DIXDC1: variants seen among roughly 807,000 people sequenced by gnomAD.
The protein encoded by DIXDC1 is dixin.
In DIXDC1, 64 loss-of-function variants were observed where a neutral mutation model predicts 103.1. The ratio of observed to expected loss-of-function variants is 0.62; its 90% confidence interval spans 0.51 to 0.76. The LOEUF is 0.76. Among genes scored for constraint, DIXDC1 ranks in the 30% least tolerant of loss-of-function variants. The pLI is 0.00. For missense variants in DIXDC1, 759 were observed against 834.2 expected (o/e 0.91, Z 1.11); for synonymous variants, 266 against 298.5 (o/e 0.89, Z 1.12).
chr11:111,968,583 A>G lies in DIXDC1; in HGVS notation c.261A>G (p.Lys87=). ...AGGAGATGAAGAATAATGTGGAGAAAGTGCTACAGTTTGTGGCCTCTAAAA... is the reference window on the plus strand; with the variant it reads ...AGGAGATGAAGAATAATGTGGAGAAGGTGCTACAGTTTGTGGCCTCTAAAA... The part of the protein sequence containing the change: ...NQQEMKNNVE[K]VLQFVASKKI... Residue 87 remains lysine (K), a synonymous_variant, in exon 3 of 20, where the codon AAA becomes AAG. Transcript: ENST00000440460. The G allele has an allele frequency of 6.2e-7, 1 of 1,612,508 alleles. No individual in the cohort carries two copies. Among genetic ancestry groups the G allele is most frequent in the Non-Finnish European group, 8.5e-7 (1 of 1,179,296 alleles).
chr11:111,936,845 A>AGTGTGTGTGTGTGT (rs57332873), upstream of DIXDC1, among the ~76,000 whole-genome samples: 1 of 140,758 alleles, frequency 7.1e-6, no homozygotes, highest in East Asian at 2.2e-4. Flanking sequence ...TTAAGTTAGC[A>AGTGTGTGTGTGTGT]GTGTGTGTGT....
chr11:111,961,287 T>C (rs782259148), intron 1 of DIXDC1, among the ~76,000 whole-genome samples: 18 of 152,314 alleles, frequency 1.2e-4, no homozygotes, highest in Middle Eastern at 3.4e-3. Context: ...AGGGAAGTCA[T>C]TTAAGCCTCA....
chr11:111,950,518 T>C (rs199614013), intron 1 of DIXDC1, among the ~76,000 whole-genome samples: 1 of 139,098 alleles, frequency 7.2e-6, no homozygotes, highest in East Asian at 2.4e-4. Context: ...TGCAATGGCA[T>C]GATCTTGGCT....
chr11:111,928,897 A>T (rs1246265300), intron 1 of DIXDC1, among the ~76,000 whole-genome samples: 1 of 151,960 alleles, frequency 6.6e-6, no homozygotes, highest in Non-Finnish European at 1.5e-5. Flanking sequence ...CTGTCTTTGG[A>T]TTATACATGC....
chr11:111,940,421 A>G (rs1966380193), intron 1 of DIXDC1, among the ~76,000 whole-genome samples: 2 of 152,054 alleles, frequency 1.3e-5, no homozygotes, highest in Non-Finnish European at 2.9e-5. Flanking sequence ...TATAGATCAC[A>G]ATCTCCCCAA....
intron 2 of DIXDC1, among the ~76,000 whole-genome samples, 196 bp from the exon 3 acceptor site, chr11:111,968,316 TA>T (rs1859803951): frequency 6.6e-6 from 1 of 152,226 alleles, no homozygotes; most frequent in Non-Finnish European, 1.5e-5. Flanking sequence ...CCCCTAAGTA[TA>T]AATTTGAAAG....
chr11:111,994,579 GTGTATAT>G (rs1555175073), intron 14 of DIXDC1, among the ~76,000 whole-genome samples: 1 of 150,950 alleles, frequency 6.6e-6, no homozygotes, highest in African/African-American at 2.4e-5. Flanking sequence ...ATGTATGTAT[GTGTATAT>G]TATGTATGTA....
chr11:111,971,522 AGCCACT>A (rs1250797974), intron 3 of DIXDC1, among the ~76,000 whole-genome samples: 1 of 152,236 alleles, frequency 6.6e-6, no homozygotes, highest in African/African-American at 2.4e-5. Flanking sequence ...AACTTTGTCC[AGCCACT>A]GTGGAAAGTA....
At chr11:111,941,860 A>ACACACACC (rs1555168888) in intron 1 of DIXDC1, among the ~76,000 whole-genome samples, 380 of 151,850 alleles carry the variant, frequency 2.5e-3, no homozygotes, top group African/African-American at 8.6e-3. Context: ...ACACACACAC[A>ACACACACC]CACACACACA....
At chr11:112,015,830 G>T (rs1861571988) in intron 17 of DIXDC1, among the ~76,000 whole-genome samples, 1 of 121,108 alleles carries the variant, frequency 8.3e-6, no homozygotes, top group African/African-American at 3.2e-5. Context: ...TTTGCGGCAG[G>T]GACAGAGTCT....
At chr11:112,014,136 C>G (rs1462412678) in intron 17 of DIXDC1, among the ~76,000 whole-genome samples, 2 of 152,180 alleles carry the variant, frequency 1.3e-5, no homozygotes, top group Non-Finnish European at 2.9e-5. Flanking sequence ...GATCAACTTT[C>G]AACATGAGGT....
chr11:111,963,902 A>G (rs1392448466), intron 1 of DIXDC1, among the ~76,000 whole-genome samples: 1 of 151,770 alleles, frequency 6.6e-6, no homozygotes, highest in African/African-American at 2.4e-5. Flanking sequence ...CTTTGTGTAG[A>G]TTTTCGGTAA....
rs369393343 is a variant in DIXDC1 at position 111,937,565 on chromosome 11, T to G, written c.60+6T>G. On this transcript the variant is annotated splice_donor_region_variant and intron_variant, in intron 1 of 19. Coordinates refer to ENST00000440460, the MANE Select transcript of DIXDC1 (RefSeq NM_001037954.4). ...TGCAGGAGGGCTTCAATGAGGTAAC[T>G]GTCCTGCTCCTCCCACTCCTCAGCT... The G allele has an allele frequency of 1.6e-5, 25 of 1,586,976 alleles. No individual in the cohort carries two copies. Among genetic ancestry groups the G allele is most frequent in the Middle Eastern group, 3.3e-4 (2 of 6,030 alleles).
intron 14 of DIXDC1, among the ~76,000 whole-genome samples, chr11:111,994,604 G>A (rs587768817): frequency 2.6e-5 from 4 of 151,074 alleles, no homozygotes; most frequent in East Asian, 3.9e-4. Context: ...GTATATGTAT[G>A]TATGTATATG....
chr11:111,974,192 T>C lies in DIXDC1; in HGVS notation c.486T>C (p.Ala162=). The C allele has an allele frequency of 1.9e-6, 3 of 1,614,004 alleles. No individual in the cohort carries two copies. The highest frequency in any genetic ancestry group is 2.5e-6 in the Non-Finnish European group (3 of 1,179,876). Reference sequence around the variant, plus strand: ...CTGTTGCCCAGGGAGCAGCTGCTGCTCTGGCCGATGTGTGTCATGACATGT... The same window carrying C: ...CTGTTGCCCAGGGAGCAGCTGCTGCCCTGGCCGATGTGTGTCATGACATGT... ...ATAVAQGAAA[A]LADVCHDMSR... Residue 162 remains alanine (A), a synonymous_variant, in exon 4 of 20, where the codon GCT becomes GCC. Coordinates refer to ENST00000440460, the MANE Select transcript of DIXDC1 (RefSeq NM_001037954.4).
In DIXDC1 at chr11:111,998,449, C is replaced by T. The variant is rs1373542833; in HGVS notation, c.1756+2303C>T. The stretch of plus-strand genomic sequence containing the variant: ...GTCTTTGGCGTCAGGTGACCTCTTC[C>T]ACTCCCCTGGCTTTAACTACACTTG... On this transcript the variant is annotated intron_variant, in intron 17 of 19. Transcript: ENST00000440460. This position sits in a 1 kb window ranked among gnomAD's most constrained non-coding sequence, Gnocchi z 4.1. 6.6e-6 allele frequency among the ~76,000 whole-genome samples: 1 copy of T among 152,212 alleles called. No homozygotes were observed. The highest frequency in any genetic ancestry group is 1.5e-5 in the Non-Finnish European group (1 of 68,040).
chr11:111,939,541 G>A (rs1592539394), intron 1 of DIXDC1, among the ~76,000 whole-genome samples: 1 of 152,018 alleles, frequency 6.6e-6, no homozygotes, highest in South Asian at 2.1e-4. Flanking sequence ...GCTAGTGTAC[G>A]TCTGTTCCTC....
intron 17 of DIXDC1, among the ~76,000 whole-genome samples, chr11:112,013,765 C>A (rs1861502786): frequency 6.6e-6 from 1 of 152,126 alleles, no homozygotes; most frequent in African/African-American, 2.4e-5. Flanking sequence ...TGCCTCTTAA[C>A]AGGATGTCTT....
chr11:111,993,366 T>C (rs781959595), intron 12 of DIXDC1, 130 bp from the exon 13 acceptor site: 117 of 851,432 alleles, frequency 1.4e-4, no homozygotes, highest in Non-Finnish European at 2.1e-4. Flanking sequence ...AAAGTCTTCC[T>C]GGTATATTTG....
Sources: gnomAD v4.1 joint callset for allele counts (sites outside exome capture counted in the v4.1 genomes callset) on GRCh38, gnomAD v4.1.1 for gene constraint, Gnocchi (gnomAD v3.1) non-coding constraint, MANE v1.5 for transcripts, NCBI Gene and HGNC (gene_info 2026-07-23, HGNC 2026-07-21) for gene names.